The following TBC1D5 variants were observed in gnomAD, a reference collection of about 807,000 sequenced individuals.
The protein encoded by TBC1D5 is TBC1 domain family member 5, also known as TBC1 domain family, member 5.
TBC1D5 carries 75 observed loss-of-function variants against 100.3 expected under a neutral mutation model. The ratio of observed to expected loss-of-function variants is 0.75; its 90% confidence interval spans 0.62 to 0.91. The LOEUF (loss-of-function observed/expected upper bound fraction) is 0.91, where lower values mean the gene tolerates loss of function less well. Ranked by LOEUF, TBC1D5 falls within the 40% of genes least tolerant of loss-of-function variation. The pLI is 0.00. For synonymous variants in TBC1D5, 323 were observed against 325.6 expected, an observed-to-expected ratio of 0.99 and a Z score of 0.09; for missense variants, 910 against 942.4, an observed-to-expected ratio of 0.97 and a Z score of 0.45.
rs574711926 is a variant in TBC1D5 at position 17,517,178 on chromosome 3, T to G, written c.-35-8573A>C. 7.2e-5 allele frequency among the ~76,000 whole-genome samples: 11 copies of G among 152,340 alleles called. No individual in the cohort carries two copies. The East Asian group carries it at 2.1e-3, about 29-fold the overall frequency. On this transcript the variant is annotated intron_variant, in intron 2 of 21. Transcript: ENST00000253692. ...AAAAGGAAACAGTCATCTTTAACTT[T>G]GCCCTCTGCCTAGAAACCCTCACCT...
At chr3:17,661,670 T>A (rs937370128) in intron 1 of TBC1D5, among the ~76,000 whole-genome samples, 21 of 152,070 alleles carry the variant, frequency 1.4e-4, no homozygotes, top group Non-Finnish European at 1.2e-4. Context: ...TGGCTAATTT[T>A]TTATATTTTA....
intron 17 of TBC1D5, among the ~76,000 whole-genome samples, chr3:17,237,350 T>C (rs1481703499): frequency 6.6e-6 from 1 of 152,196 alleles, no homozygotes; most frequent in Non-Finnish European, 1.5e-5. Flanking sequence ...CCAATTTCTT[T>C]TGAAAAGGGG....
chr3:17,724,885 T>C (rs1316003122), intron 1 of TBC1D5, among the ~76,000 whole-genome samples: 1 of 152,166 alleles, frequency 6.6e-6, no homozygotes, highest in Non-Finnish European at 1.5e-5. Context: ...TCTAGGTCAT[T>C]GTGTATCTCT....
intron 14 of TBC1D5, among the ~76,000 whole-genome samples, chr3:17,296,540 C>G (rs2082275555): frequency 1.3e-5 from 2 of 152,150 alleles, no homozygotes; most frequent in Non-Finnish European, 2.9e-5. Context: ...CAGTGGGAGG[C>G]TGGGGTACAA....
intron 3 of TBC1D5, among the ~76,000 whole-genome samples, chr3:17,446,332 A>C (rs183449752): frequency 3.3e-4 from 50 of 152,310 alleles, no homozygotes; most frequent in Middle Eastern, 6.8e-3. Context: ...GTTTAGATCA[A>C]AAAAAGTAAA....
chr3:17,315,626 C>T (rs2084601366), intron 13 of TBC1D5, among the ~76,000 whole-genome samples: 3 of 152,222 alleles, frequency 2.0e-5, no homozygotes, highest in Non-Finnish European at 2.9e-5. Context: ...TTACTATCAG[C>T]TCTGTGATGT....
chr3:17,730,277 T>C (rs1333849820), intron 1 of TBC1D5, among the ~76,000 whole-genome samples: 2 of 152,230 alleles, frequency 1.3e-5, no homozygotes, highest in South Asian at 2.1e-4. Context: ...TCTCCACCAA[T>C]AGATGGAGTT....
chr3:17,568,160 A>T (rs982391737), intron 2 of TBC1D5, among the ~76,000 whole-genome samples: 2 of 151,552 alleles, frequency 1.3e-5, no homozygotes, highest in Non-Finnish European at 3.0e-5. Context: ...AGAACAAATG[A>T]CCCTAACAGG....
At chr3:17,734,024 T>C (rs2076771889) in intron 1 of TBC1D5, among the ~76,000 whole-genome samples, 1 of 152,022 alleles carries the variant, frequency 6.6e-6, no homozygotes, top group African/African-American at 2.4e-5. Context: ...AAATGAAAAG[T>C]AAAGATGGGC....
chr3:17,404,846 A>G, intron 6 of TBC1D5, 26 bp downstream of exon 6: 1 of 1,555,602 alleles, frequency 6.4e-7, no homozygotes, highest in Non-Finnish European at 8.7e-7. Context: ...AAACAATTAC[A>G]TTAATTAAAT....
intron 3 of TBC1D5, among the ~76,000 whole-genome samples, chr3:17,440,647 TG>T (rs1278653820): frequency 6.6e-6 from 1 of 152,056 alleles, no homozygotes; most frequent in Non-Finnish European, 1.5e-5. Flanking sequence ...TGTTTTGTTT[TG>T]TTTTGTTTTT....
chr3:17,583,005 C>T (rs1262392147), intron 2 of TBC1D5, among the ~76,000 whole-genome samples: 1 of 151,956 alleles, frequency 6.6e-6, no homozygotes, highest in Non-Finnish European at 1.5e-5. Flanking sequence ...AAAATACGGG[C>T]CAGGAATGGT....
At chr3:17,327,882 T>G (rs561206327) in intron 13 of TBC1D5, among the ~76,000 whole-genome samples, 21 of 152,298 alleles carry the variant, frequency 1.4e-4, no homozygotes, top group Admixed American at 5.2e-4. Context: ...ACAATGGATG[T>G]TCAATATATA....
At chr3:17,558,979 C>T (rs1219182432) in intron 2 of TBC1D5, among the ~76,000 whole-genome samples, 1 of 152,126 alleles carries the variant, frequency 6.6e-6, no homozygotes, top group East Asian at 1.9e-4. Context: ...TTTAACCACA[C>T]TCTCAGCCTT....
chr3:17,408,121 T>A (rs1239891908), intron 4 of TBC1D5, among the ~76,000 whole-genome samples: 1 of 152,008 alleles, frequency 6.6e-6, no homozygotes, highest in African/African-American at 2.4e-5. Flanking sequence ...GCTCACTAGT[T>A]ACTTACTAGA....
intron 19 of TBC1D5, among the ~76,000 whole-genome samples, chr3:17,182,589 C>T (rs1161895609): frequency 1.3e-5 from 2 of 152,278 alleles, no homozygotes; most frequent in East Asian, 1.9e-4. Flanking sequence ...TCTTTCTCCC[C>T]ATCACTTCTT....
At chr3:17,209,310 C>A in intron 18 of TBC1D5, among the ~76,000 whole-genome samples, 1 of 152,160 alleles carries the variant, frequency 6.6e-6, no homozygotes, top group Non-Finnish European at 1.5e-5. Flanking sequence ...CCATACCTGG[C>A]TAATTAAAAA....
At chr3:17,528,942 T>C (rs774653439) in intron 2 of TBC1D5, among the ~76,000 whole-genome samples, 17 of 152,332 alleles carry the variant, frequency 1.1e-4, no homozygotes, top group Middle Eastern at 3.4e-3. Context: ...TTTCCACTTA[T>C]GTCTCTTCTG....
At chr3:17,316,468 C>T (rs2084714028) in intron 13 of TBC1D5, among the ~76,000 whole-genome samples, 1 of 152,180 alleles carries the variant, frequency 6.6e-6, no homozygotes, top group Non-Finnish European at 1.5e-5. Context: ...CAAGTGAAAG[C>T]CATTTTAGGA....
Sources: gnomAD v4.1 joint callset for allele counts (sites outside exome capture counted in the v4.1 genomes callset) on GRCh38, gnomAD v4.1.1 for gene constraint, MANE v1.5 for transcripts, NCBI Gene and HGNC (gene_info 2026-07-23, HGNC 2026-07-21) for gene names.